The following SGCZ variants were observed in gnomAD, a reference collection of about 807,000 sequenced individuals.
SGCZ encodes the protein zeta-sarcoglycan.
In SGCZ, 40 loss-of-function variants were observed where a neutral mutation model predicts 41.3. The ratio of observed to expected loss-of-function variants is 0.97; its 90% confidence interval spans 0.75 to 1.26. The LOEUF is 1.26. Ranked by LOEUF, SGCZ falls within the 50% of genes most tolerant of loss-of-function variation. The pLI is 0.00. For synonymous variants in SGCZ, 206 were observed against 137.5 expected (o/e 1.50, Z -3.49); for missense variants, 552 against 369.8 (o/e 1.49, Z -4.04).
intron 1 of SGCZ, among the ~76,000 whole-genome samples, chr8:15,123,455 T>G (rs998992507): frequency 6.6e-6 from 1 of 152,174 alleles, no homozygotes; most frequent in African/African-American, 2.4e-5. Flanking sequence ...AATCATAGAC[T>G]AGAATCCTAG....
intron 1 of SGCZ, among the ~76,000 whole-genome samples, chr8:14,962,258 A>G (rs1023002285): frequency 1.3e-5 from 2 of 152,226 alleles, no homozygotes; most frequent in African/African-American, 4.8e-5. Flanking sequence ...ACAACAGTTT[A>G]TATATTTTTA....
At chr8:15,204,870 C>T (rs577539196) in intron 1 of SGCZ, among the ~76,000 whole-genome samples, 3 of 152,150 alleles carry the variant, frequency 2.0e-5, no homozygotes, top group African/African-American at 4.8e-5. Flanking sequence ...GGATTATATA[C>T]GATTCAGTGC....
intron 1 of SGCZ, among the ~76,000 whole-genome samples, chr8:14,991,881 AC>A (rs1802025422): frequency 6.8e-6 from 1 of 147,968 alleles, no homozygotes; most frequent in African/African-American, 2.5e-5. Context: ...CTTGATATTT[AC>A]CTCTCATCCA....
At chr8:14,770,133 A>G (rs1161166637) in intron 1 of SGCZ, among the ~76,000 whole-genome samples, 2 of 134,222 alleles carry the variant, frequency 1.5e-5, no homozygotes, top group East Asian at 4.4e-4. Flanking sequence ...TAATAATTAT[A>G]TCTATTATAT....
chr8:14,374,016 T>G (rs761213527), intron 2 of SGCZ, among the ~76,000 whole-genome samples: 1 of 152,120 alleles, frequency 6.6e-6, no homozygotes, highest in Non-Finnish European at 1.5e-5. Flanking sequence ...TATTAACGAT[T>G]TTAAAAAAGA....
intron 1 of SGCZ, among the ~76,000 whole-genome samples, chr8:14,961,279 T>A (rs17608468): frequency 0.41 from 61,916 of 151,972 alleles, 13,521 homozygotes; most frequent in East Asian, 0.52. Flanking sequence ...TCAAATGGAC[T>A]GCCTACTGAC....
chr8:14,355,155 A>G (rs539944729), intron 2 of SGCZ, among the ~76,000 whole-genome samples: 1 of 152,006 alleles, frequency 6.6e-6, no homozygotes, highest in South Asian at 2.1e-4. Context: ...CATTTTGTTC[A>G]TTCCCAAAGT....
At chr8:14,552,802 A>G (rs780886486) in intron 2 of SGCZ, among the ~76,000 whole-genome samples, 1 of 152,060 alleles carries the variant, frequency 6.6e-6, no homozygotes, top group Admixed American at 6.6e-5. Flanking sequence ...GCATTTAAGT[A>G]TATTTTCCTA....
chr8:14,391,882 A>C (rs906188993), intron 2 of SGCZ, among the ~76,000 whole-genome samples: 2 of 152,068 alleles, frequency 1.3e-5, no homozygotes, highest in African/African-American at 4.8e-5. Context: ...AGTTGTTTAA[A>C]TGCTCCTGCC....
At chr8:14,418,232 A>G (rs967039536) in intron 2 of SGCZ, among the ~76,000 whole-genome samples, 1 of 151,964 alleles carries the variant, frequency 6.6e-6, no homozygotes, top group African/African-American at 2.4e-5. Context: ...AAAGTATTCT[A>G]TCATGACTTG....
intron 3 of SGCZ, among the ~76,000 whole-genome samples, chr8:14,239,583 T>C (rs1346258584): frequency 2.0e-5 from 3 of 152,092 alleles, no homozygotes; most frequent in African/African-American, 4.8e-5. Context: ...TAAAACACCA[T>C]AAGCATTTGT....
chr8:14,212,364 GT>G (rs1344329890), intron 4 of SGCZ, among the ~76,000 whole-genome samples: 1 of 149,460 alleles, frequency 6.7e-6, no homozygotes, highest in Non-Finnish European at 1.5e-5. Context: ...AAACAAAAAA[GT>G]TTTTTGTTTT....
chr8:14,785,988 A>G (rs988909736), intron 1 of SGCZ, among the ~76,000 whole-genome samples: 1 of 138,486 alleles, frequency 7.2e-6, no homozygotes, highest in Non-Finnish European at 1.5e-5. Flanking sequence ...ATTTGCAGAT[A>G]CTATGAAAAC....
rs555509673 is a variant in SGCZ, at chr8:14,661,773, T to G, written c.40-106847A>C. Among the ~76,000 whole-genome samples, 7 of 152,198 alleles carry G rather than the reference T, an allele frequency of 4.6e-5. No homozygotes were observed. In the South Asian group the frequency reaches 1.5e-3, roughly 32 times the overall value. ...AATGGGAGAAGAAAATTTAAATTCC[T>G]AATTCACAAAATGTTTAACCCATCA... On this transcript the variant is annotated intron_variant, in intron 1 of 7. Coordinates refer to ENST00000382080, the MANE Select transcript of SGCZ (RefSeq NM_139167.4).
intron 3 of SGCZ, among the ~76,000 whole-genome samples, chr8:14,267,298 C>A (rs1176333207): frequency 2.6e-5 from 4 of 151,834 alleles, no homozygotes; most frequent in African/African-American, 7.3e-5. Flanking sequence ...CAAAATGAAT[C>A]TAAGATCAAT....
chr8:14,353,808 T>A (rs549839443), intron 2 of SGCZ, among the ~76,000 whole-genome samples: 1 of 152,084 alleles, frequency 6.6e-6, no homozygotes, highest in African/African-American at 2.4e-5. Context: ...CCTAGAGACC[T>A]AAGGATGATA....
At chr8:14,563,077 G>A (rs1433505581) in intron 1 of SGCZ, among the ~76,000 whole-genome samples, 1 of 152,140 alleles carries the variant, frequency 6.6e-6, no homozygotes, top group Non-Finnish European at 1.5e-5. Context: ...ACTGAAGATA[G>A]CTGTGCTATG....
chr8:14,809,209 A>G (rs1801663065), intron 1 of SGCZ, among the ~76,000 whole-genome samples: 1 of 152,174 alleles, frequency 6.6e-6, no homozygotes. Context: ...GTGCACATGT[A>G]CCCTAAAACT....
At chr8:15,096,974 C>T (rs753791547) in intron 1 of SGCZ, among the ~76,000 whole-genome samples, 28 of 152,078 alleles carry the variant, frequency 1.8e-4, no homozygotes, top group Non-Finnish European at 2.6e-4. Flanking sequence ...TGTGAGCCAC[C>T]GCACCTAGCC....
Sources: gnomAD v4.1 joint callset for allele counts (sites outside exome capture counted in the v4.1 genomes callset) on GRCh38, gnomAD v4.1.1 for gene constraint, MANE v1.5 for transcripts, NCBI Gene and HGNC (gene_info 2026-07-23, HGNC 2026-07-21) for gene names.